PRKCZ: variants seen among roughly 807,000 people sequenced by gnomAD.
PRKCZ encodes the protein protein kinase C zeta.
In PRKCZ, 33 loss-of-function variants were observed where a neutral mutation model predicts 79.5. The observed-to-expected ratio is 0.41, with a 90% CI of 0.31 to 0.55. The LOEUF (loss-of-function observed/expected upper bound fraction) is 0.55, where lower values mean the gene tolerates loss of function less well. PRKCZ is among the 20% of genes least tolerant of loss of function. The pLI, the probability that PRKCZ is intolerant of heterozygous loss-of-function variation, is 0.19. For missense variants in PRKCZ, 578 were observed against 813.5 expected, an observed-to-expected ratio of 0.71 and a Z score of 3.52; for synonymous variants, 342 against 320.9, an observed-to-expected ratio of 1.07 and a Z score of -0.70.
At position 2,095,352 on chromosome 1, in the gene PRKCZ, G is replaced by T. The variant is rs1330319349; in HGVS notation, c.334+35761G>T. On this transcript the variant is annotated intron_variant, in intron 4 of 17. Coordinates refer to ENST00000378567, the MANE Select transcript of PRKCZ (RefSeq NM_002744.6). ...TGGGCAGTGGCGGGCAGAGCCCCAT[G>T]CTGTCCTCTGCCTTTGAGGTGGGCA... Among the ~76,000 whole-genome samples, 3 of 152,128 alleles carry T rather than the reference G, an allele frequency of 2.0e-5. No individual in the cohort carries two copies. In the East Asian group the frequency reaches 5.8e-4, roughly 29 times the overall value.
intron 4 of PRKCZ, among the ~76,000 whole-genome samples, chr1:2,079,575 G>A (rs1663091808): frequency 6.6e-6 from 1 of 152,254 alleles, no homozygotes; most frequent in South Asian, 2.1e-4. Context: ...AAGTGAGCGT[G>A]ATGGTAAAAG....
rs1684624791 is a variant in PRKCZ, at chr1:2,172,496, G to A, written c.1285+108G>A. 8.3e-7 allele frequency: 1 copy of A among 1,200,884 alleles called. No individual in the cohort carries two copies. The highest frequency in any genetic ancestry group is 1.5e-5 in the South Asian group (1 of 65,410). The allele number at this position is 1,200,884 out of a possible 1,614,324, so 74.4% of individuals were successfully genotyped here. A position where few individuals can be genotyped will look rare whatever the true frequency, so the allele number is the denominator to read the frequency against. On this transcript the variant is annotated intron_variant, in intron 13 of 17. Transcript: ENST00000378567. The surrounding 1 kb of genome is among the most constrained non-coding windows in gnomAD (Gnocchi z 7.8). ...GTCCTTGACCATCTTACACCCAAAA[G>A]CCACACACTGTCTTTCCCAGCCGGA...
In PRKCZ at chr1:2,109,559, C is replaced by T. The variant is rs375656628; in HGVS notation, c.335-25703C>T. On this transcript the variant is annotated intron_variant, in intron 4 of 17. Coordinates refer to ENST00000378567, the MANE Select transcript of PRKCZ (RefSeq NM_002744.6). ...GAGCAGATGCAGCCAGGTGTGGGTCCGGCTGTGGGCGGAGGGGGTCACACG... is the reference window on the plus strand; with the variant it reads ...GAGCAGATGCAGCCAGGTGTGGGTCTGGCTGTGGGCGGAGGGGGTCACACG... Among the ~76,000 whole-genome samples, 5 of 152,286 alleles carry T rather than the reference C, an allele frequency of 3.3e-5. No individual in the cohort carries two copies. The East Asian group carries it at 5.8e-4, about 18-fold the overall frequency.
At chr1:2,159,365 C>T (rs1467954508) in intron 10 of PRKCZ, among the ~76,000 whole-genome samples, 1 of 152,232 alleles carries the variant, frequency 6.6e-6, no homozygotes, top group Non-Finnish European at 1.5e-5. Flanking sequence ...ATGAGGACTT[C>T]CTCTTTGTGC....
At chr1:2,081,810 C>T (rs538533124) in intron 4 of PRKCZ, among the ~76,000 whole-genome samples, 9 of 152,180 alleles carry the variant, frequency 5.9e-5, no homozygotes, top group Non-Finnish European at 1.2e-4. Flanking sequence ...CCCCCACACC[C>T]CACCACTGCC....
chr1:2,176,219 C>T (rs1685472368), intron 16 of PRKCZ, among the ~76,000 whole-genome samples: 1 of 152,106 alleles, frequency 6.6e-6, no homozygotes, highest in South Asian at 2.1e-4. Context: ...GACTGCAGCC[C>T]CAGCGGGCCA....
chr1:2,095,698 A>C (rs1666338529), intron 4 of PRKCZ, among the ~76,000 whole-genome samples: 2 of 147,950 alleles, frequency 1.4e-5, no homozygotes, highest in African/African-American at 5.0e-5. Flanking sequence ...CACTCGCCAC[A>C]GCTCCCCTCC....
At chr1:2,135,696 GGT>G (rs1676054903) in intron 5 of PRKCZ, among the ~76,000 whole-genome samples, 1 of 152,194 alleles carries the variant, frequency 6.6e-6, no homozygotes. Flanking sequence ...GTAGCGCCAG[GGT>G]GTGTGTTTTC....
At chr1:2,101,374 C>T (rs1321043867) in intron 4 of PRKCZ, among the ~76,000 whole-genome samples, 1 of 152,216 alleles carries the variant, frequency 6.6e-6, no homozygotes, top group Admixed American at 6.5e-5. Flanking sequence ...CTGGTGGTCT[C>T]ACTGATGTCC....
In PRKCZ at chr1:2,050,443, G is replaced by C. The variant is rs1236493347; in HGVS notation, c.-188G>C. 1 of 204,524 alleles carries C rather than the reference G, an allele frequency of 4.9e-6. No individual in the cohort carries two copies. Among genetic ancestry groups the C allele is most frequent in the Non-Finnish European group, 9.5e-6 (1 of 104,718 alleles). 12.7% of individuals were successfully genotyped at this position (204,524 alleles called of 1,614,324 possible). ...CACCGCCCCCCGCCCCCGCCGGACG[G>C]TCCCGCCCCGCGCGCCCCCCGCTCC... On this transcript the variant is annotated 5_prime_UTR_variant, in exon 1 of 18. Coordinates refer to ENST00000378567, the MANE Select transcript of PRKCZ (RefSeq NM_002744.6).
rs137914335 is a variant in PRKCZ, at chr1:2,156,148, A to G, written c.974+56A>G. On this transcript the variant is annotated intron_variant, in intron 10 of 17. Coordinates refer to ENST00000378567, the MANE Select transcript of PRKCZ (RefSeq NM_002744.6). ...TGCAGATTTCAGATGTGAACTGCACAGAAGCTAAGTCTGGTGTGATGTGTC... is the reference window on the plus strand; with the variant it reads ...TGCAGATTTCAGATGTGAACTGCACGGAAGCTAAGTCTGGTGTGATGTGTC... 7.7e-5 allele frequency: 116 copies of G among 1,498,944 alleles called. No homozygotes were observed. The African/African-American group carries it at 1.5e-3, about 19-fold the overall frequency. 92.9% of individuals were successfully genotyped at this position (1,498,944 alleles called of 1,614,324 possible). A position where few individuals can be genotyped will look rare whatever the true frequency, so the allele number is the denominator to read the frequency against.
chr1:2,175,436 A>G (rs1251880603), intron 16 of PRKCZ, 123 bp downstream of exon 16: 32 of 697,470 alleles, frequency 4.6e-5, no homozygotes, highest in African/African-American at 8.7e-5. Context: ...CCGAACCCCA[A>G]TATCCATCCC....
rs1016620315 is a variant in PRKCZ at position 2,185,195 on chromosome 1, C to T, written c.*186C>T. Reference sequence around the variant, plus strand: ...CAGAACAGTCCCTCACACCTGGGCCCGGGCAGGCCAGCTTCGTGCTGGAGG... The same window carrying T: ...CAGAACAGTCCCTCACACCTGGGCCTGGGCAGGCCAGCTTCGTGCTGGAGG... On this transcript the variant is annotated 3_prime_UTR_variant, in exon 18 of 18. Coordinates refer to ENST00000378567, the MANE Select transcript of PRKCZ (RefSeq NM_002744.6). 2.0e-5 allele frequency: 14 copies of T among 709,050 alleles called. No individual in the cohort carries two copies. Among genetic ancestry groups the T allele is most frequent in the African/African-American group, 3.5e-5 (2 of 57,304 alleles). The allele number at this position is 709,050 out of a possible 1,614,324, so 43.9% of individuals were successfully genotyped here. A position where few individuals can be genotyped will look rare whatever the true frequency, so the allele number is the denominator to read the frequency against.
rs1673781445 is a variant in PRKCZ, at chr1:2,125,898, C to G, written c.335-9364C>G. The stretch of plus-strand genomic sequence containing the variant: ...GCCTCTCGCCAACATGCAGCACTTC[C>G]CTTCCTTTCCATGGAGCACGGTTCC... On this transcript the variant is annotated intron_variant, in intron 4 of 17. Transcript: ENST00000378567. The surrounding 1 kb of genome is among the most constrained non-coding windows in gnomAD (Gnocchi z 4.2). Among the ~76,000 whole-genome samples, 1 of 152,198 alleles carries G rather than the reference C, an allele frequency of 6.6e-6. No homozygotes were observed. The highest frequency in any genetic ancestry group is 1.5e-5 in the Non-Finnish European group (1 of 68,014).
chr1:2,172,207 G>T lies in PRKCZ; in HGVS notation c.1197+17G>T. On this transcript the variant is annotated intron_variant, in intron 12 of 17. Coordinates refer to ENST00000378567, the MANE Select transcript of PRKCZ (RefSeq NM_002744.6). This position sits in a 1 kb window ranked among gnomAD's most constrained non-coding sequence, Gnocchi z 7.8. Reference sequence around the variant, plus strand: ...ATGTGCAAGGTGCGTGCCTTGGACCGCCTCCCCTGACCATCCCGCATGTGC... The same window carrying T: ...ATGTGCAAGGTGCGTGCCTTGGACCTCCTCCCCTGACCATCCCGCATGTGC... 2 of 1,613,308 alleles carry T rather than the reference G, an allele frequency of 1.2e-6. No homozygotes were observed. The highest frequency in any genetic ancestry group is 1.7e-6 in the Non-Finnish European group (2 of 1,179,968).
intron 4 of PRKCZ, among the ~76,000 whole-genome samples, chr1:2,097,070 A>G (rs1165303604): frequency 2.6e-5 from 4 of 152,208 alleles, no homozygotes; most frequent in African/African-American, 9.6e-5. Context: ...CTCCGACTCC[A>G]TTCTTCAGAG....
chr1:2,132,489 G>A (rs1277132182), intron 4 of PRKCZ, among the ~76,000 whole-genome samples: 1 of 152,182 alleles, frequency 6.6e-6, no homozygotes, highest in Non-Finnish European at 1.5e-5. Flanking sequence ...GGGCCTCGAA[G>A]GTGTTTGGGG....
At chr1:2,129,112 C>T (rs1296524110) in intron 4 of PRKCZ, among the ~76,000 whole-genome samples, 2 of 152,162 alleles carry the variant, frequency 1.3e-5, no homozygotes, top group Non-Finnish European at 2.9e-5. Flanking sequence ...AGAGTGGCTG[C>T]CGGCCCGCGT....
At position 2,151,219 on chromosome 1, in the gene PRKCZ, C is replaced by G. The variant is rs193050842; in HGVS notation, c.876+241C>G. Among the ~76,000 whole-genome samples the G allele has an allele frequency of 2.3e-3, 358 of 152,388 alleles. 1 individual carries two copies. Among genetic ancestry groups the G allele is most frequent in the African/African-American group, 8.1e-3 (336 of 41,594 alleles). The stretch of plus-strand genomic sequence containing the variant: ...CACTCCACAAACCCAAACAGCACAG[C>G]CAACTCCACAGCCAAGATGCACAGT... On this transcript the variant is annotated intron_variant, in intron 9 of 17. Transcript: ENST00000378567.
Sources: allele counts gnomAD v4.1 joint callset (sites outside exome capture counted in the v4.1 genomes callset), GRCh38; gene constraint gnomAD v4.1.1; non-coding constraint Gnocchi (gnomAD v3.1); transcripts MANE v1.5; gene names NCBI Gene and HGNC (gene_info 2026-07-23, HGNC 2026-07-21).